SLC19A1: variants seen among roughly 807,000 people sequenced by gnomAD.
SLC19A1 encodes the protein reduced folate transporter.
SLC19A1 carries 37 observed loss-of-function variants against 35.3 expected under a neutral mutation model. The observed-to-expected ratio is 1.05, with a 90% CI of 0.81 to 1.38. SLC19A1 has a LOEUF of 1.38. SLC19A1 is among the 40% of genes most tolerant of loss of function. The probability of loss-of-function intolerance (pLI) is 0.00; values close to 1 mark genes in which losing one functional copy is unlikely to be tolerated. For missense variants in SLC19A1, 831 were observed against 826.9 expected, an observed-to-expected ratio of 1.00 and a Z score of -0.06; for synonymous variants, 460 against 398.5, an observed-to-expected ratio of 1.15 and a Z score of -1.84.
chr21:45,509,228 G>A (rs373405945), downstream of SLC19A1: 39 of 1,287,130 alleles, frequency 3.0e-5, no homozygotes, highest in African/African-American at 5.1e-4. Context: ...CCCCAGAGTC[G>A]GGGGCGCAGC....
intron 3 of SLC19A1, chr21:45,504,547 T>G (rs756656210): frequency 6.3e-7 from 1 of 1,575,012 alleles, no homozygotes. Flanking sequence ...GTGGCTACCC[T>G]GGGATTCCAG....
At position 45,514,958 on chromosome 21, in the gene SLC19A1, C is replaced by A; in HGVS notation, c.*700G>T. The A allele has an allele frequency of 6.8e-7, 1 of 1,470,670 alleles. No homozygotes were observed. The highest frequency in any genetic ancestry group is 9.0e-7 in the Non-Finnish European group (1 of 1,112,118). 91.1% of individuals were successfully genotyped at this position (1,470,670 alleles called of 1,614,324 possible). On this transcript the variant is annotated 3_prime_UTR_variant, in exon 6 of 6. Coordinates refer to ENST00000311124, the MANE Select transcript of SLC19A1 (RefSeq NM_194255.4). ...CTCCGGGCTGGCACAAGTGTGGGAG[C>A]AGCTGAGGACCCGCAGGTCAGGATG... is the stretch of plus-strand genomic sequence containing the variant.
chr21:45,541,401 G>T (rs940147118), intron 1 of SLC19A1, among the ~76,000 whole-genome samples: 4 of 152,230 alleles, frequency 2.6e-5, no homozygotes, highest in African/African-American at 9.6e-5. Context: ...TCCGTAGGGG[G>T]AGGCCACCTC....
rs1165755743 is a variant in SLC19A1, at chr21:45,530,089, T to C, written c.1151+681A>G. Among the ~76,000 whole-genome samples, 1 of 147,904 alleles carries C rather than the reference T, an allele frequency of 6.8e-6. No homozygotes were observed. Among genetic ancestry groups the C allele is most frequent in the East Asian group, 2.0e-4 (1 of 4,898 alleles). Reference sequence around the variant, plus strand: ...TGAGCATGTGGTGTGTGTTCGTGTGTGGTGTGTCTGTGTGGTGTATCCATC... The same window carrying C: ...TGAGCATGTGGTGTGTGTTCGTGTGCGGTGTGTCTGTGTGGTGTATCCATC... On this transcript the variant is annotated intron_variant, in intron 4 of 5. Transcript: ENST00000311124. The surrounding 1 kb of genome is among the most constrained non-coding windows in gnomAD (Gnocchi z 5.3).
chr21:45,515,434 C>T lies in SLC19A1; in HGVS notation c.*224G>A. The T allele has an allele frequency of 1.4e-6, 2 of 1,451,054 alleles. No individual in the cohort carries two copies. Among genetic ancestry groups the T allele is most frequent in the Non-Finnish European group, 1.8e-6 (2 of 1,111,418 alleles). 89.9% of individuals were successfully genotyped at this position (1,451,054 alleles called of 1,614,324 possible). A position where few individuals can be genotyped will look rare whatever the true frequency, so the allele number is the denominator to read the frequency against. ...CCACCCACCTCTTCCAGCAACAAAG[C>T]CCGCGGGGCACAGTGCAGGGACAGC... On this transcript the variant is annotated 3_prime_UTR_variant, in exon 6 of 6. Coordinates refer to ENST00000311124, the MANE Select transcript of SLC19A1 (RefSeq NM_194255.4).
chr21:45,511,096 C>CA (rs1555876761), downstream of SLC19A1: 22 of 1,451,492 alleles, frequency 1.5e-5, no homozygotes, highest in Admixed American at 2.0e-5. Context: ...CACATACACA[C>CA]GGTTTCTCTT....
chr21:45,505,149 A>G, intron 3 of SLC19A1: 2 of 1,609,216 alleles, frequency 1.2e-6, no homozygotes, highest in Non-Finnish European at 1.7e-6. Context: ...CAAGGGAGAG[A>G]GCATCCGGGG....
Position 45,513,920 on chromosome 21 carries a change from G to C in SLC19A1, c.*1738C>G, listed in dbSNP as rs1318276794. On this transcript the variant is annotated 3_prime_UTR_variant, in exon 6 of 6. Transcript: ENST00000311124. ...AGGTGTGCAGGAGCATCCATAGTGT[G>C]CACAGGTACACAGGCATGCACGGGT... The C allele has an allele frequency of 6.6e-6, 1 of 152,316 alleles. No homozygotes were observed. Among genetic ancestry groups the C allele is most frequent in the African/African-American group, 2.4e-5 (1 of 41,452 alleles). The allele number at this position is 152,316 out of a possible 1,614,324, so 9.4% of individuals were successfully genotyped here.
At chr21:45,537,130 G>GCTTCCT (rs1321852171) in intron 2 of SLC19A1, among the ~76,000 whole-genome samples, 2 of 152,210 alleles carry the variant, frequency 1.3e-5, no homozygotes, top group African/African-American at 4.8e-5. Context: ...TTGGACGTGG[G>GCTTCCT]CTTCCTCACC....
At chr21:45,511,987 T>C (rs1027475490), downstream of SLC19A1, among the ~76,000 whole-genome samples, 1 of 152,088 alleles carries the variant, frequency 6.6e-6, no homozygotes, top group African/African-American at 2.4e-5. Flanking sequence ...AGAAGCAGCA[T>C]GGGGGGCAGT....
intron 3 of SLC19A1, chr21:45,504,495 GC>G: frequency 6.6e-7 from 1 of 1,520,548 alleles, no homozygotes; most frequent in Non-Finnish European, 8.7e-7. Flanking sequence ...TTCGGCTCCA[GC>G]CTGCCCGGCC....
In SLC19A1 at chr21:45,527,507, G is replaced by A. The variant is rs1485634148; in HGVS notation, c.1152-1549C>T. Among the ~76,000 whole-genome samples, 3 of 146,448 alleles carry A rather than the reference G, an allele frequency of 2.0e-5. No individual in the cohort carries two copies. The South Asian group carries it at 6.6e-4, about 32-fold the overall frequency. On this transcript the variant is annotated intron_variant, in intron 4 of 5. Coordinates refer to ENST00000311124, the MANE Select transcript of SLC19A1 (RefSeq NM_194255.4). ...GCAGTCAGTTACTGCGGGCCCTGGA[G>A]GTGAGTGGCAGCCGGGCAGGGCGGG...
At chr21:45,528,015 CA>C (rs1808494580) in intron 4 of SLC19A1, among the ~76,000 whole-genome samples, 1 of 151,000 alleles carries the variant, frequency 6.6e-6, no homozygotes, top group African/African-American at 2.4e-5. Context: ...CAAAAATGCC[CA>C]GGAACCCTTT....
intron 1 of SLC19A1, among the ~76,000 whole-genome samples, chr21:45,552,558 T>C (rs771825075): frequency 7.5e-4 from 114 of 152,244 alleles, no homozygotes; most frequent in Non-Finnish European, 1.0e-3. Context: ...CGGGACCACG[T>C]GGAGGAGGGA....
At chr21:45,509,550 G>A (rs150227889), downstream of SLC19A1, 226 of 1,536,738 alleles carry the variant, frequency 1.5e-4, no homozygotes, top group African/African-American at 3.3e-4. Flanking sequence ...ACCTGCGGCC[G>A]GCGCGACCCA....
downstream of SLC19A1, among the ~76,000 whole-genome samples, chr21:45,510,925 C>T (rs962432902): frequency 1.4e-5 from 2 of 142,362 alleles, no homozygotes; most frequent in Non-Finnish European, 3.1e-5. Flanking sequence ...TGCAGAACCC[C>T]ACCCCCCAAA....
At position 45,540,180 on chromosome 21, in the gene SLC19A1, G is replaced by C. The variant is rs183948792; in HGVS notation, c.-49-2172C>G. Among the ~76,000 whole-genome samples the C allele has an allele frequency of 3.3e-5, 5 of 152,224 alleles. No homozygotes were observed. The East Asian group carries it at 5.8e-4, about 18-fold the overall frequency. ...GGTAGAGCTGGACATACCTCAGACC[G>C]CACCCACTCCTCCCCACTGGGAGAC... On this transcript the variant is annotated intron_variant, in intron 1 of 5. Coordinates refer to ENST00000311124, the MANE Select transcript of SLC19A1 (RefSeq NM_194255.4). The surrounding 1 kb of genome is among the most constrained non-coding windows in gnomAD (Gnocchi z 5.5).
upstream of SLC19A1, among the ~76,000 whole-genome samples, chr21:45,548,582 A>T (rs1013620764): frequency 2.6e-5 from 4 of 152,020 alleles, no homozygotes; most frequent in Admixed American, 6.6e-5. Flanking sequence ...CACCTCTACT[A>T]AAAATACAAA....
At chr21:45,541,716 T>C (rs1288141454) in intron 1 of SLC19A1, 1 of 152,278 alleles carries the variant, frequency 6.6e-6, no homozygotes, top group African/African-American at 2.4e-5. Flanking sequence ...ACAAAGCTTC[T>C]GGCACAGGAG....
Sources: gnomAD v4.1 joint callset for allele counts (sites outside exome capture counted in the v4.1 genomes callset) on GRCh38, gnomAD v4.1.1 for gene constraint, Gnocchi (gnomAD v3.1) non-coding constraint, MANE v1.5 for transcripts, NCBI Gene and HGNC (gene_info 2026-07-23, HGNC 2026-07-21) for gene names.